GFRA1: variants seen among roughly 807,000 people sequenced by gnomAD.
GFRA1 encodes the protein GDNF family receptor alpha-1.
Under a neutral mutation model 51.6 loss-of-function variants are expected in GFRA1, and 16 were observed. That is an observed-to-expected ratio of 0.31 (90% confidence interval 0.21 to 0.47). GFRA1 has a LOEUF of 0.47. Ranked by LOEUF, GFRA1 falls within the 20% of genes least tolerant of loss-of-function variation. The probability of loss-of-function intolerance (pLI) is 1.00; values close to 1 mark genes in which losing one functional copy is unlikely to be tolerated. For synonymous variants in GFRA1, 270 were observed against 241.3 expected, an observed-to-expected ratio of 1.12 and a Z score of -1.10; for missense variants, 530 against 594.3, an observed-to-expected ratio of 0.89 and a Z score of 1.13.
chr10:116,170,545 G>A (rs758810111), intron 5 of GFRA1, among the ~76,000 whole-genome samples: 2 of 152,028 alleles, frequency 1.3e-5, no homozygotes, highest in Non-Finnish European at 2.9e-5. Flanking sequence ...AGTCTCTTTG[G>A]ACTCCATTTT....
chr10:116,185,699 C>G (rs116511134), intron 5 of GFRA1, among the ~76,000 whole-genome samples: 2 of 152,174 alleles, frequency 1.3e-5, no homozygotes, highest in African/African-American at 2.4e-5. Flanking sequence ...GGCTTCTCCC[C>G]CTCCCTGTCC....
At chr10:116,225,561 C>T (rs7913011) in intron 4 of GFRA1, among the ~76,000 whole-genome samples, 7 of 120,256 alleles carry the variant, frequency 5.8e-5, no homozygotes, top group South Asian at 2.6e-4. Flanking sequence ...AAAAAAAAAA[C>T]TAAAATGATA....
At chr10:116,096,875 GCACACGCACACACA>G (rs1191939981) in intron 6 of GFRA1, 111 bp from the exon 7 acceptor site, 37 of 474,076 alleles carry the variant, frequency 7.8e-5, no homozygotes, top group Admixed American at 3.2e-4. Flanking sequence ...TTCTGCACAC[GCACACGCACACACA>G]CACACACACA....
At chr10:116,082,477 T>C (rs1955892630) in intron 9 of GFRA1, among the ~76,000 whole-genome samples, 1 of 122,120 alleles carries the variant, frequency 8.2e-6, no homozygotes, top group South Asian at 2.3e-4. Context: ...TTTGTTTTTT[T>C]TGTTTTTTTT....
At chr10:116,091,237 T>C (rs868136308) in intron 8 of GFRA1, among the ~76,000 whole-genome samples, 8 of 152,226 alleles carry the variant, frequency 5.3e-5, no homozygotes, top group South Asian at 2.1e-4. Flanking sequence ...CAAATGTTAA[T>C]AGAATATCTA....
chr10:116,071,559 T>C (rs1232016002), intron 9 of GFRA1, among the ~76,000 whole-genome samples: 1 of 152,118 alleles, frequency 6.6e-6, no homozygotes, highest in Non-Finnish European at 1.5e-5. Context: ...TGTGTTTGAG[T>C]GTGGGGATCC....
intron 4 of GFRA1, among the ~76,000 whole-genome samples, chr10:116,230,288 T>G (rs1589891904): frequency 2.6e-5 from 4 of 152,232 alleles, no homozygotes; most frequent in Admixed American, 2.6e-4. Flanking sequence ...GTAATTCTTA[T>G]GCTATCCCTG....
chr10:116,058,256 T>C lies in GFRA1; in HGVS notation c.*6142A>G, dbSNP rs772502617. 6.6e-6 allele frequency: 1 copy of C among 152,280 alleles called. No homozygotes were observed. The highest frequency in any genetic ancestry group is 2.4e-5 in the African/African-American group (1 of 41,454). 9.4% of individuals were successfully genotyped at this position (152,280 alleles called of 1,614,324 possible). On this transcript the variant is annotated 3_prime_UTR_variant, in exon 11 of 11. Coordinates refer to ENST00000355422, the MANE Select transcript of GFRA1 (RefSeq NM_005264.8). ...CACTCTAGTCTTAGGATCTGTGTTA[T>C]GCTTGCAGGTGTCAGGGGTCAATGT...
chr10:116,273,741 C>T (rs917223970), upstream of GFRA1, among the ~76,000 whole-genome samples: 1 of 152,096 alleles, frequency 6.6e-6, no homozygotes, highest in Non-Finnish European at 1.5e-5. Flanking sequence ...GGCACAAGGG[C>T]TCTTTCTTCT....
At chr10:116,253,563 G>T (rs965547228) in intron 4 of GFRA1, among the ~76,000 whole-genome samples, 1 of 151,780 alleles carries the variant, frequency 6.6e-6, no homozygotes, top group Non-Finnish European at 1.5e-5. Context: ...AGCCAAGATC[G>T]CACCACTGCA....
At chr10:116,197,309 G>T (rs932719886) in intron 5 of GFRA1, among the ~76,000 whole-genome samples, 1 of 152,116 alleles carries the variant, frequency 6.6e-6, no homozygotes, top group Non-Finnish European at 1.5e-5. Flanking sequence ...GACACAGCTA[G>T]AAGGTGCCAC....
intron 5 of GFRA1, among the ~76,000 whole-genome samples, chr10:116,172,826 A>C (rs929866321): frequency 2.6e-5 from 4 of 152,134 alleles, no homozygotes; most frequent in African/African-American, 9.7e-5. Context: ...TCACAGTGGG[A>C]GCAGACCCGC....
chr10:116,235,394 G>A (rs544003501), intron 4 of GFRA1, among the ~76,000 whole-genome samples: 4 of 152,132 alleles, frequency 2.6e-5, no homozygotes, highest in South Asian at 2.1e-4. Flanking sequence ...TGAATAAAAC[G>A]GTATTGACAA....
intron 5 of GFRA1, among the ~76,000 whole-genome samples, chr10:116,140,478 G>T (rs1295080602): frequency 2.0e-5 from 3 of 152,174 alleles, no homozygotes; most frequent in Non-Finnish European, 2.9e-5. Context: ...GGATTGAAAT[G>T]GTAGTGGTTG....
chr10:116,141,430 T>G (rs901856414), intron 5 of GFRA1, among the ~76,000 whole-genome samples: 1 of 152,238 alleles, frequency 6.6e-6, no homozygotes, highest in Non-Finnish European at 1.5e-5. Context: ...CTTTGTTTAG[T>G]GAGCCTAGTA....
chr10:116,138,025 ACTCGTGAT>A (rs1407710298), intron 5 of GFRA1, among the ~76,000 whole-genome samples: 1 of 151,438 alleles, frequency 6.6e-6, no homozygotes, highest in African/African-American at 2.4e-5. Flanking sequence ...CTGGTCTCAA[ACTCGTGAT>A]CTCGTGATCT....
rs978589324 is a variant in GFRA1 at position 116,089,805 on chromosome 10, A to G, written c.1133T>C (p.Leu378Pro). Residue 378 changes from leucine (L) to proline (P), a missense_variant, in exon 9 of 11, where the codon CTG becomes CCG. Leu to Pro is a moderately conservative substitution (Grantham distance 98, BLOSUM62 -3). Transcript: ENST00000355422. ...TTALRVKNKP[L>P]GPAGSENEIP... The stretch of plus-strand genomic sequence containing the variant: ...TTCATTCTCAGACCCTGCTGGCCCC[A>G]GGGGCTTGTTCTTAACCCGGAGGGC... 6.2e-7 allele frequency: 1 copy of G among 1,614,152 alleles called. No individual in the cohort carries two copies. The highest frequency in any genetic ancestry group is 1.7e-4 in the Middle Eastern group (1 of 6,060).
chr10:116,067,321 CT>C (rs1955158959), intron 9 of GFRA1, among the ~76,000 whole-genome samples: 1 of 152,206 alleles, frequency 6.6e-6, no homozygotes, highest in Non-Finnish European at 1.5e-5. Flanking sequence ...CACATTCTGC[CT>C]TTTCTAGGCC....
In GFRA1 at chr10:116,266,059, T is replaced by G. The variant is rs778186613; in HGVS notation, c.418+3444A>C. ...TTCCACCTTATTTTTGTTCTCCTTC[T>G]TGTTCCCAACGGGCCACTGATAATA... On this transcript the variant is annotated intron_variant, in intron 4 of 10. Coordinates refer to ENST00000355422, the MANE Select transcript of GFRA1 (RefSeq NM_005264.8). Among the ~76,000 whole-genome samples, 4 of 152,196 alleles carry G rather than the reference T, an allele frequency of 2.6e-5. No homozygotes were observed. The South Asian group carries it at 8.3e-4, about 32-fold the overall frequency.
Sources: gnomAD v4.1 joint callset for allele counts (sites outside exome capture counted in the v4.1 genomes callset) on GRCh38, gnomAD v4.1.1 for gene constraint, MANE v1.5 for transcripts, NCBI Gene and HGNC (gene_info 2026-07-23, HGNC 2026-07-21) for gene names.